The following PNKD variants were observed in gnomAD, a reference collection of about 807,000 sequenced individuals.
PNKD encodes probable thioesterase PNKD.
A neutral mutation model predicts 45.3 loss-of-function variants in PNKD; 36 were observed. The observed-to-expected ratio is 0.80, with a 90% confidence interval of 0.61 to 1.05. PNKD has a LOEUF of 1.05. Among genes scored for constraint, PNKD ranks in the 50% least tolerant of loss-of-function variants. The probability of loss-of-function intolerance (pLI) is 0.00; values close to 1 mark genes in which losing one functional copy is unlikely to be tolerated. For synonymous variants in PNKD, 197 were observed against 210.1 expected (o/e 0.94, Z 0.54); for missense variants, 511 against 506.6 (o/e 1.01, Z -0.08).
At chr2:218,321,314 T>C (rs1668707310) in intron 2 of PNKD, among the ~76,000 whole-genome samples, 1 of 152,196 alleles carries the variant, frequency 6.6e-6, no homozygotes, top group Admixed American at 6.5e-5. Flanking sequence ...AACTCCTGCA[T>C]CCTACAAGGG....
chr2:218,281,066 G>A (rs983543808), intron 2 of PNKD: 2 of 150,390 alleles, frequency 1.3e-5, no homozygotes, highest in Non-Finnish European at 3.0e-5. Flanking sequence ...GCCTCCCAAA[G>A]TGTTGAGATT....
chr2:218,334,570 T>A, intron 2 of PNKD: 2 of 602,302 alleles, frequency 3.3e-6, no homozygotes, highest in South Asian at 4.1e-5. Flanking sequence ...GGAGGATCGC[T>A]TGAGCCCAGG....
intron 2 of PNKD, among the ~76,000 whole-genome samples, chr2:218,315,653 A>G (rs1301135811): frequency 6.6e-6 from 1 of 152,228 alleles, no homozygotes; most frequent in Admixed American, 6.5e-5. Flanking sequence ...TGCTATCCAG[A>G]TTGAACATGT....
chr2:218,316,274 T>TC (rs1693812132), intron 2 of PNKD, among the ~76,000 whole-genome samples: 1 of 133,138 alleles, frequency 7.5e-6, no homozygotes, highest in Non-Finnish European at 1.6e-5. Flanking sequence ...CTTTCTTTTT[T>TC]TTTTTTTTTT....
rs1165801474 is a variant in PNKD, at chr2:218,344,975, C to A, written c.1152C>A (p.Ser384Arg). ...ELRRLKDMHK[S>R]K is the part of the protein sequence containing the mutation. ...GCCGGCTGAAGGATATGCACAAGAGCAAGTGATGCCCCCAGCGCCCCCAGC... is the reference window on the plus strand; with the variant it reads ...GCCGGCTGAAGGATATGCACAAGAGAAAGTGATGCCCCCAGCGCCCCCAGC... Residue 384 changes from serine (S) to arginine (R), a missense_variant, in exon 10 of 10, where the codon AGC becomes AGA. By Grantham distance (110) the Ser-to-Arg change is moderately radical (BLOSUM62 -1). Transcript: ENST00000273077. 1.2e-6 allele frequency: 2 copies of A among 1,612,184 alleles called. No homozygotes were observed. Among genetic ancestry groups the A allele is most frequent in the Non-Finnish European group, 1.7e-6 (2 of 1,179,080 alleles).
chr2:218,302,481 A>C (rs1363198867), intron 2 of PNKD, among the ~76,000 whole-genome samples: 1 of 152,182 alleles, frequency 6.6e-6, no homozygotes, highest in Non-Finnish European at 1.5e-5. Context: ...AAGCAGAAGG[A>C]TCAAGCTATG....
intron 2 of PNKD, among the ~76,000 whole-genome samples, chr2:218,320,822 A>G (rs4672886): frequency 0.63 from 96,162 of 152,112 alleles, 30,459 homozygotes; most frequent in South Asian, 0.68. Flanking sequence ...GGTATAAAGT[A>G]CAGGAGAGGG....
intron 2 of PNKD, among the ~76,000 whole-genome samples, chr2:218,327,514 A>G (rs961873651): frequency 1.1e-4 from 17 of 152,054 alleles, no homozygotes; most frequent in African/African-American, 4.1e-4. Flanking sequence ...CAGCAGCCTC[A>G]TGCCTCCCTG....
intron 2 of PNKD, among the ~76,000 whole-genome samples, chr2:218,320,148 TGTAATA>T: frequency 6.6e-6 from 1 of 152,250 alleles, no homozygotes; most frequent in African/African-American, 2.4e-5. Context: ...TTTGTGAGTA[TGTAATA>T]TGTACCTGGC....
chr2:218,340,046 A>G lies in PNKD; in HGVS notation c.370A>G (p.Ile124Val), dbSNP rs909331529. Residue 124 changes from isoleucine to valine, a missense_variant, in exon 4 of 10, where the codon ATC becomes GTC. Physicochemically the swap from Ile to Val is conservative, Grantham distance 29 (BLOSUM62 3). Transcript: ENST00000273077. This position sits in a 1 kb window ranked among gnomAD's most constrained non-coding sequence, Gnocchi z 4.2. The part of the protein sequence containing the change: ...RLFNGVKVLP[I>V]PVLSDNYSYL... ...GTCCCCAGGAGTGAAGGTGCTTCCCATCCCTGTCCTCTCGGACAACTACAG... is the reference window on the plus strand; with the variant it reads ...GTCCCCAGGAGTGAAGGTGCTTCCCGTCCCTGTCCTCTCGGACAACTACAG... 14 of 1,611,492 alleles carry G rather than the reference A, an allele frequency of 8.7e-6. No homozygotes were observed. Among genetic ancestry groups the G allele is most frequent in the Non-Finnish European group, 1.1e-5 (13 of 1,178,086 alleles).
Position 218,339,857 on chromosome 2 carries a change from A to T in PNKD, c.311A>T (p.Tyr104Phe), listed in dbSNP as rs773907885. The T allele has an allele frequency of 9.9e-6, 16 of 1,610,598 alleles. No homozygotes were observed. In the East Asian group the frequency reaches 3.6e-4, roughly 36 times the overall value. The change falls in exon 3 of 10, where the codon TAC (tyrosine) becomes TTC (phenylalanine). Residue 104 changes from tyrosine (Y) to phenylalanine (F), a missense_variant. Transcript: ENST00000273077. ...RQQLRRARNR[Y>F]PKGHSKTQPR... ...CAGCTGCGCAGGGCTCGGAATCGCT[A>T]CCCTAAAGGCCACTCGAAAACCCAG...
At chr2:218,341,753 C>T (rs1026225764) in intron 6 of PNKD, 127 bp downstream of exon 6, 2 of 810,918 alleles carry the variant, frequency 2.5e-6, no homozygotes, top group South Asian at 2.9e-5. Flanking sequence ...GGCCCAATCC[C>T]AGCCTATCTG....
intron 2 of PNKD, among the ~76,000 whole-genome samples, chr2:218,292,243 G>A (rs929201628): frequency 1.2e-4 from 18 of 152,224 alleles, no homozygotes. Context: ...GGCTAACCAG[G>A]TGCCACAGAC....
rs1367120663 is a variant in PNKD, at chr2:218,342,031, C to A, written c.668C>A (p.Ala223Asp). 4.3e-6 allele frequency: 7 copies of A among 1,613,410 alleles called. No homozygotes were observed. Among genetic ancestry groups the A allele is most frequent in the Non-Finnish European group, 5.9e-6 (7 of 1,179,330 alleles). Residue 223 changes from alanine to aspartate, a missense_variant, in exon 7 of 10, where the codon GCC becomes GAC. Ala to Asp is a moderately radical substitution (Grantham distance 126, BLOSUM62 -2). Transcript: ENST00000273077. ...AGCGTGGGACGGCTTCAGATCCGGG[C>A]CCTGGCTACACCTGGCCACACACAA... is the stretch of plus-strand genomic sequence containing the variant. ...VVSVGRLQIR[A>D]LATPGHTQGH... is the part of the protein sequence containing the mutation.
At chr2:218,333,783 C>T (rs1172034010) in intron 2 of PNKD, among the ~76,000 whole-genome samples, 2 of 151,994 alleles carry the variant, frequency 1.3e-5, no homozygotes, top group East Asian at 3.9e-4. Context: ...TGGTGTCTGT[C>T]AGAGGAAAGG....
Position 218,344,590 on chromosome 2 carries a change from G to A in PNKD, c.984+20G>A, listed in dbSNP as rs1406262267. The A allele has an allele frequency of 6.3e-7, 1 of 1,583,284 alleles. No homozygotes were observed. Among genetic ancestry groups the A allele is most frequent in the African/African-American group, 1.3e-5 (1 of 74,196 alleles). On this transcript the variant is annotated intron_variant, in intron 9 of 9. Coordinates refer to ENST00000273077, the MANE Select transcript of PNKD (RefSeq NM_015488.5). The stretch of plus-strand genomic sequence containing the variant: ...GGCACGGTGAGGGACTCGGGGTCCA[G>A]GAGGAGCTGTGTGGGCAGGCACTCA...
intron 2 of PNKD, chr2:218,272,621 A>G (rs1690890669): frequency 1.2e-6 from 2 of 1,614,156 alleles, no homozygotes; most frequent in East Asian, 2.2e-5. Flanking sequence ...CCAAGCGGGA[A>G]GTGGACAAGG....
At chr2:218,328,870 G>A (rs1030353236) in intron 2 of PNKD, among the ~76,000 whole-genome samples, 1 of 151,428 alleles carries the variant, frequency 6.6e-6, no homozygotes, top group Non-Finnish European at 1.5e-5. Flanking sequence ...TTGTACTGGA[G>A]TTAGGTGTTC....
chr2:218,328,739 T>A (rs978714359), intron 2 of PNKD, among the ~76,000 whole-genome samples: 2 of 152,260 alleles, frequency 1.3e-5, no homozygotes, highest in Admixed American at 6.5e-5. Flanking sequence ...AATGAAAAGC[T>A]TGGCTCAGGT....
Sources: gnomAD v4.1 joint callset for allele counts (sites outside exome capture counted in the v4.1 genomes callset) on GRCh38, gnomAD v4.1.1 for gene constraint, Gnocchi (gnomAD v3.1) non-coding constraint, MANE v1.5 for transcripts, NCBI Gene and HGNC (gene_info 2026-07-23, HGNC 2026-07-21) for gene names.